Variants in TMEFF1 observed in about 807,000 individuals in gnomAD.
The protein encoded by TMEFF1 is transmembrane protein with EGF like and two follistatin like domains 1.
Under a neutral mutation model 47.5 loss-of-function variants are expected in TMEFF1, and 20 were observed. The observed-to-expected ratio is 0.42, with a 90% CI of 0.30 to 0.61. The LOEUF (loss-of-function observed/expected upper bound fraction) is 0.61, where lower values mean the gene tolerates loss of function less well. TMEFF1 is among the 20% of genes least tolerant of loss of function. The probability of loss-of-function intolerance (pLI) is 0.19; values close to 1 mark genes in which losing one functional copy is unlikely to be tolerated. For missense variants in TMEFF1, 411 were observed against 471.1 expected, an observed-to-expected ratio of 0.87 and a Z score of 1.18; for synonymous variants, 162 against 166.3, an observed-to-expected ratio of 0.97 and a Z score of 0.20.
intron 7 of TMEFF1, among the ~76,000 whole-genome samples, chr9:100,559,873 T>C (rs555398893): frequency 6.6e-6 from 1 of 152,268 alleles, no homozygotes; most frequent in South Asian, 2.1e-4. Flanking sequence ...ATATACACTT[T>C]GAGGAAAAAT....
chr9:100,488,306 C>T (rs931674601), intron 1 of TMEFF1, among the ~76,000 whole-genome samples: 8 of 152,036 alleles, frequency 5.3e-5, no homozygotes, highest in Middle Eastern at 3.4e-3. Flanking sequence ...AGTATTATGT[C>T]AATAATTTAA....
At chr9:100,543,748 A>AC (rs1411220308) in intron 5 of TMEFF1, among the ~76,000 whole-genome samples, 4 of 122,358 alleles carry the variant, frequency 3.3e-5, no homozygotes, top group South Asian at 5.5e-4. Context: ...CACACACACA[A>AC]ATCTCATAAT....
intron 5 of TMEFF1, among the ~76,000 whole-genome samples, chr9:100,534,426 G>A (rs1287917492): frequency 6.6e-6 from 1 of 152,126 alleles, no homozygotes; most frequent in Non-Finnish European, 1.5e-5. Context: ...GTAGTTAAAT[G>A]TTTCAAATTC....
At chr9:100,543,283 A>T (rs547800752) in intron 5 of TMEFF1, among the ~76,000 whole-genome samples, 57 of 152,188 alleles carry the variant, frequency 3.7e-4, no homozygotes, top group Middle Eastern at 3.4e-3. Flanking sequence ...TGGTCTGGTT[A>T]ATTTCCTCTG....
intron 5 of TMEFF1, among the ~76,000 whole-genome samples, chr9:100,534,619 A>C (rs1218842217): frequency 6.6e-6 from 1 of 152,046 alleles, no homozygotes; most frequent in East Asian, 1.9e-4. Context: ...GCTGGACTTT[A>C]CTTGAAATGG....
At chr9:100,571,735 A>T (rs1839243422) in intron 8 of TMEFF1, among the ~76,000 whole-genome samples, 1 of 152,176 alleles carries the variant, frequency 6.6e-6, no homozygotes, top group Non-Finnish European at 1.5e-5. Context: ...GTAATACTTA[A>T]TGAAATAATT....
At chr9:100,489,094 G>A (rs1216668019) in intron 1 of TMEFF1, among the ~76,000 whole-genome samples, 1 of 151,882 alleles carries the variant, frequency 6.6e-6, no homozygotes, top group African/African-American at 2.4e-5. Context: ...CCATCCCCTG[G>A]TAACCACATA....
intron 1 of TMEFF1, among the ~76,000 whole-genome samples, chr9:100,479,815 A>G (rs1302956744): frequency 6.6e-6 from 1 of 152,224 alleles, no homozygotes; most frequent in Admixed American, 6.5e-5. Flanking sequence ...GTTATGAATA[A>G]TGCTGCTGTA....
chr9:100,561,520 G>A lies in TMEFF1; in HGVS notation c.899G>A (p.Arg300Lys). ...TATTCTACTCAGAAGGCTTCTTGTA[G>A]GTAAGTCAGCGCTTCCAGATCAGTG... ...FIYSTQKASC[R>K]CESGYTGQHC... Residue 300 changes from arginine to lysine, a missense_variant and splice_region_variant, in exon 8 of 10, where the codon AGA (arginine) becomes AAA (lysine). Arg to Lys is a conservative substitution (Grantham distance 26). Transcript: ENST00000374879. 6.2e-7 allele frequency: 1 copy of A among 1,610,512 alleles called. No homozygotes were observed.
intron 5 of TMEFF1, among the ~76,000 whole-genome samples, chr9:100,540,405 C>T (rs770765594): frequency 1.8e-4 from 28 of 152,238 alleles, no homozygotes; most frequent in African/African-American, 4.6e-4. Flanking sequence ...CGGGACCTTG[C>T]GGCACCTAGC....
chr9:100,495,273 T>TGTG (rs1161903889), intron 1 of TMEFF1, among the ~76,000 whole-genome samples: 1 of 152,222 alleles, frequency 6.6e-6, no homozygotes. Context: ...ACTCATATGT[T>TGTG]GTGGGCAATT....
intron 8 of TMEFF1, among the ~76,000 whole-genome samples, 190 bp downstream of exon 8, chr9:100,561,710 CTT>C (rs1168313703): frequency 2.8e-5 from 4 of 142,116 alleles, no homozygotes; most frequent in South Asian, 2.2e-4. Context: ...AAACAAAAAT[CTT>C]TTTTTTTTTT....
chr9:100,570,757 C>T (rs552521206), intron 8 of TMEFF1, among the ~76,000 whole-genome samples: 8 of 151,966 alleles, frequency 5.3e-5, no homozygotes, highest in Non-Finnish European at 1.0e-4. Context: ...CCCTGGATTT[C>T]CCTGTTTCCC....
At chr9:100,535,046 T>G (rs768748720) in intron 5 of TMEFF1, among the ~76,000 whole-genome samples, 1 of 152,192 alleles carries the variant, frequency 6.6e-6, no homozygotes, top group South Asian at 2.1e-4. Flanking sequence ...ATTTTTAGCT[T>G]CTGGGTGTGC....
At chr9:100,532,509 A>G (rs1838406541) in intron 5 of TMEFF1, among the ~76,000 whole-genome samples, 1 of 152,206 alleles carries the variant, frequency 6.6e-6, no homozygotes, top group South Asian at 2.1e-4. Context: ...ACTGGCCATC[A>G]GAGAAATGCA....
intron 9 of TMEFF1, among the ~76,000 whole-genome samples, chr9:100,574,486 C>A (rs1839310267): frequency 1.3e-5 from 2 of 152,002 alleles, no homozygotes; most frequent in African/African-American, 4.8e-5. Context: ...CTGGGCTTAT[C>A]TCAACCTCCC....
chr9:100,553,764 C>G (rs1469059936), intron 7 of TMEFF1, among the ~76,000 whole-genome samples: 1 of 152,130 alleles, frequency 6.6e-6, no homozygotes, highest in Non-Finnish European at 1.5e-5. Context: ...ATATCCAGTA[C>G]CCACCTTCAG....
rs1293002750 is a variant in TMEFF1 at position 100,473,749 on chromosome 9, G to T, written c.196+9G>T. The T allele has an allele frequency of 2.0e-6, 3 of 1,501,436 alleles. No homozygotes were observed. Among genetic ancestry groups the T allele is most frequent in the Admixed American group, 4.3e-5 (2 of 46,512 alleles). The allele number at this position is 1,501,436 out of a possible 1,614,324, so 93.0% of individuals were successfully genotyped here. A position where few individuals can be genotyped will look rare whatever the true frequency, so the allele number is the denominator to read the frequency against. On this transcript the variant is annotated intron_variant, in intron 1 of 9. Coordinates refer to ENST00000374879, the MANE Select transcript of TMEFF1 (RefSeq NM_003692.5). This position sits in a 1 kb window ranked among gnomAD's most constrained non-coding sequence, Gnocchi z 5.4. ...GAGCATCAACTGCTCAGGTAGGACC[G>T]GTCGGAGCCGGCCCTAGGTCTTCCC...
chr9:100,490,828 A>G (rs1019849252), intron 1 of TMEFF1, among the ~76,000 whole-genome samples: 2 of 139,396 alleles, frequency 1.4e-5, no homozygotes, highest in Non-Finnish European at 3.1e-5. Flanking sequence ...GGATTATCTT[A>G]TATGTATGGT....
Sources: gnomAD v4.1 joint callset for allele counts (sites outside exome capture counted in the v4.1 genomes callset) on GRCh38, gnomAD v4.1.1 for gene constraint, Gnocchi (gnomAD v3.1) non-coding constraint, MANE v1.5 for transcripts, NCBI Gene and HGNC (gene_info 2026-07-23, HGNC 2026-07-21) for gene names.